The following AKNA variants were observed in gnomAD, a reference collection of about 807,000 sequenced individuals.
AKNA encodes microtubule organization protein AKNA.
In AKNA, 67 loss-of-function variants were observed where a neutral mutation model predicts 138.8. The observed-to-expected ratio is 0.48, with a 90% CI of 0.40 to 0.59. AKNA has a LOEUF of 0.59. Ranked by LOEUF, AKNA falls within the 20% of genes least tolerant of loss-of-function variation. The pLI is 0.00. For synonymous variants in AKNA, 737 were observed against 754.4 expected (o/e 0.98, Z 0.38); for missense variants, 1,813 against 1,880.4 (o/e 0.96, Z 0.66).
chr9:114,381,899 T>G (rs1366580359), intron 1 of AKNA, among the ~76,000 whole-genome samples: 2 of 152,164 alleles, frequency 1.3e-5, no homozygotes, highest in African/African-American at 4.8e-5. Context: ...TCCACCCGCC[T>G]TGGCCTCCCA....
intron 5 of AKNA, 133 bp downstream of exon 5, chr9:114,368,306 C>T (rs1276117855): frequency 9.5e-7 from 1 of 1,047,476 alleles, no homozygotes; most frequent in Non-Finnish European, 1.3e-6. Flanking sequence ...TCAAAGTGCC[C>T]AGGGTGGGGC....
chr9:114,379,859 CCTTAAAAA>C (rs1833510625), intron 2 of AKNA, among the ~76,000 whole-genome samples: 1 of 152,124 alleles, frequency 6.6e-6, no homozygotes, highest in Admixed American at 6.6e-5. Context: ...TTTTAAAAAA[CCTTAAAAA>C]TGTCCAGGCA....
intron 1 of AKNA, among the ~76,000 whole-genome samples, chr9:114,385,400 T>G (rs967590117): frequency 1.3e-5 from 2 of 152,258 alleles, no homozygotes; most frequent in Admixed American, 1.3e-4. Context: ...CTAGGCCTCC[T>G]GGCTCCTGCT....
At chr9:114,383,135 G>T (rs1447590144) in intron 1 of AKNA, 2 of 455,882 alleles carry the variant, frequency 4.4e-6, no homozygotes, top group African/African-American at 2.0e-5. Flanking sequence ...CCCATCAGAG[G>T]TGTGGTTTAA....
chr9:114,381,239 T>C lies in AKNA; in HGVS notation c.95A>G (p.Asp32Gly). ...RRWAWAEDKR[D>G]VDRSSSQSWE... ...GCTTTGTGAACTACTTCTATCCACA[T>C]CCCTCTTGTCCTCGGCCCAGGCCCA... The change falls in exon 2 of 22, where the codon GAT becomes GGT. Residue 32 changes from aspartate (D) to glycine (G), a missense_variant. By Grantham distance (94) the Asp-to-Gly change is moderately conservative (BLOSUM62 -1). Transcript: ENST00000374088. 3 of 1,614,144 alleles carry C rather than the reference T, an allele frequency of 1.9e-6. No homozygotes were observed. Among genetic ancestry groups the C allele is most frequent in the Non-Finnish European group, 2.5e-6 (3 of 1,180,002 alleles).
chr9:114,385,701 G>A (rs1256278700), intron 1 of AKNA, among the ~76,000 whole-genome samples: 2 of 152,230 alleles, frequency 1.3e-5, no homozygotes. Flanking sequence ...CTTGCCCCCA[G>A]GCGCCTAAAC....
intron 2 of AKNA, 86 bp from the exon 3 acceptor site, chr9:114,377,618 C>T (rs1251903685): frequency 2.3e-6 from 3 of 1,326,716 alleles, no homozygotes; most frequent in East Asian, 4.8e-5. Flanking sequence ...AACTCTCTGG[C>T]TTCCATTTCC....
intron 14 of AKNA, among the ~76,000 whole-genome samples, chr9:114,351,723 T>C (rs1405368190): frequency 6.6e-6 from 1 of 151,690 alleles, no homozygotes; most frequent in African/African-American, 2.4e-5. Context: ...CCCAGCTACT[T>C]GGGAGGCTGA....
In AKNA at chr9:114,336,916, C is replaced by G; in HGVS notation, c.*138G>C. 1 of 1,147,672 alleles carries G rather than the reference C, an allele frequency of 8.7e-7. No individual in the cohort carries two copies. The allele number at this position is 1,147,672 out of a possible 1,614,324, so 71.1% of individuals were successfully genotyped here. Reference sequence around the variant, plus strand: ...TTGGAAAGCACAGGGACTGAGCAGGCGGGACCTGTGCTGGAGGGAGACCCT... The same window carrying G: ...TTGGAAAGCACAGGGACTGAGCAGGGGGGACCTGTGCTGGAGGGAGACCCT... On this transcript the variant is annotated 3_prime_UTR_variant, in exon 22 of 22. Transcript: ENST00000374088.
intron 18 of AKNA, 76 bp from the exon 19 acceptor site, chr9:114,343,879 A>T: frequency 7.7e-7 from 1 of 1,296,816 alleles, no homozygotes; most frequent in Non-Finnish European, 1.1e-6. Context: ...TGGAATAATG[A>T]TCTCCTCTTC....
At chr9:114,374,651 A>G (rs541706545) in intron 3 of AKNA, among the ~76,000 whole-genome samples, 2 of 152,342 alleles carry the variant, frequency 1.3e-5, no homozygotes, top group African/African-American at 4.8e-5. Context: ...AGAAGACTTA[A>G]AATCACTGTT....
At chr9:114,363,534 T>C (rs533202497) in intron 7 of AKNA, among the ~76,000 whole-genome samples, 3 of 152,236 alleles carry the variant, frequency 2.0e-5, no homozygotes, top group Non-Finnish European at 4.4e-5. Flanking sequence ...CATTTTGTGA[T>C]TGGAAAATGT....
chr9:114,367,857 A>G lies in AKNA; in HGVS notation c.1574-160T>C, dbSNP rs1369908971. ...CCCCAGGAAGTGGGCTGGGTAGAAC[A>G]TTGTCCCCCATTTACAAGGGAGAAC... On this transcript the variant is annotated intron_variant, in intron 5 of 21. Transcript: ENST00000374088. 2.0e-5 allele frequency among the ~76,000 whole-genome samples: 3 copies of G among 152,196 alleles called. No individual in the cohort carries two copies. The East Asian group carries it at 5.8e-4, about 29-fold the overall frequency.
downstream of AKNA, among the ~76,000 whole-genome samples, chr9:114,332,361 AC>A (rs1035694803): frequency 3.9e-5 from 6 of 152,054 alleles, no homozygotes; most frequent in African/African-American, 1.5e-4. Context: ...GGCCACAGTC[AC>A]CATCCCGATT....
At chr9:114,381,005 C>T (rs1833618266) in intron 2 of AKNA, 55 bp downstream of exon 2, 3 of 1,199,808 alleles carry the variant, frequency 2.5e-6, no homozygotes, top group Admixed American at 3.6e-5. Context: ...AAAAAAAGAA[C>T]GTGTGATGTT....
intron 7 of AKNA, among the ~76,000 whole-genome samples, chr9:114,363,179 T>A (rs891213692): frequency 6.6e-6 from 1 of 152,214 alleles, no homozygotes; most frequent in African/African-American, 2.4e-5. Flanking sequence ...ATGGAGTGAG[T>A]GAGTTGTAGA....
rs755632366 is a variant in AKNA, at chr9:114,362,528, G to C, written c.1794C>G (p.Phe598Leu). Reference sequence around the variant, plus strand: ...CCGCGTGGGCAGCCTTCAGCCGCTGGAAGCCCTGAAACCAGACCAGGCCAG... The same window carrying C: ...CCGCGTGGGCAGCCTTCAGCCGCTGCAAGCCCTGAAACCAGACCAGGCCAG... ...RLMPQDQVKG[F>L]QRLKAAHAAL... The change falls in exon 8 of 22, where the codon TTC becomes TTG. Residue 598 changes from phenylalanine (F) to leucine (L), a missense_variant. By Grantham distance (22) the Phe-to-Leu change is conservative (BLOSUM62 0). Transcript: ENST00000374088. 1.2e-6 allele frequency: 2 copies of C among 1,612,784 alleles called. No individual in the cohort carries two copies. Among genetic ancestry groups the C allele is most frequent in the African/African-American group, 2.7e-5 (2 of 74,902 alleles).
At chr9:114,389,873 C>T (rs959415103), upstream of AKNA, among the ~76,000 whole-genome samples, 5 of 152,158 alleles carry the variant, frequency 3.3e-5, no homozygotes, top group East Asian at 1.9e-4. Context: ...TCCTGGTAAT[C>T]GCCCACCCCT....
chr9:114,330,684 G>A, downstream of AKNA: 1 of 1,601,896 alleles, frequency 6.2e-7, no homozygotes, highest in Non-Finnish European at 8.5e-7. Context: ...GAACCGGGAG[G>A]GTTGGCTTTA....
Sources: gnomAD v4.1 joint callset for allele counts (sites outside exome capture counted in the v4.1 genomes callset) on GRCh38, gnomAD v4.1.1 for gene constraint, MANE v1.5 for transcripts, NCBI Gene and HGNC (gene_info 2026-07-23, HGNC 2026-07-21) for gene names.